Variants in BRINP3 observed in about 807,000 individuals in gnomAD.
BRINP3 encodes the protein BMP/retinoic acid-inducible neural-specific protein 3.
In BRINP3, 19 loss-of-function variants were observed where a neutral mutation model predicts 71.0. The observed-to-expected ratio is 0.27, with a 90% CI of 0.19 to 0.39. The LOEUF (loss-of-function observed/expected upper bound fraction) is 0.39. BRINP3 is among the 10% of genes least tolerant of loss of function. The probability of loss-of-function intolerance (pLI) is 1.00; values close to 1 mark genes in which losing one functional copy is unlikely to be tolerated. For missense variants in BRINP3, 959 were observed against 940.8 expected (o/e 1.02, Z -0.25); for synonymous variants, 380 against 337.7 (o/e 1.13, Z -1.37).
intron 7 of BRINP3, among the ~76,000 whole-genome samples, chr1:190,128,037 G>C (rs1395572459): frequency 6.6e-6 from 1 of 151,776 alleles, no homozygotes; most frequent in Non-Finnish European, 1.5e-5. Context: ...GCTGTAATTA[G>C]TATCATGTCT....
intron 6 of BRINP3, among the ~76,000 whole-genome samples, chr1:190,213,047 C>T (rs1174179471): frequency 1.3e-5 from 2 of 152,000 alleles, no homozygotes; most frequent in South Asian, 2.1e-4. Flanking sequence ...TGTCAAGTAC[C>T]CTTTAGAAGA....
intron 4 of BRINP3, among the ~76,000 whole-genome samples, chr1:190,259,620 AAAT>A (rs1660991211): frequency 6.2e-4 from 2 of 3,208 alleles, no homozygotes; most frequent in Non-Finnish European, 9.0e-4. Context: ...GGCAAAAAAT[AAAT>A]AAATAAATAA....
chr1:190,121,423 A>C (rs564361879), intron 7 of BRINP3, among the ~76,000 whole-genome samples: 2 of 152,344 alleles, frequency 1.3e-5, no homozygotes, highest in South Asian at 4.1e-4. Flanking sequence ...AGGTAACTTA[A>C]AACAAAGACT....
intron 2 of BRINP3, among the ~76,000 whole-genome samples, chr1:190,351,740 G>A (rs1204271714): frequency 6.6e-6 from 1 of 152,056 alleles, no homozygotes; most frequent in Non-Finnish European, 1.5e-5. Context: ...TTTTAAATGG[G>A]TCAGTAATTT....
chr1:190,102,343 A>T (rs2102247212), intron 7 of BRINP3, among the ~76,000 whole-genome samples: 1 of 152,278 alleles, frequency 6.6e-6, no homozygotes, highest in Non-Finnish European at 1.5e-5. Flanking sequence ...TTGGAGACAA[A>T]TGTCCTAACA....
Position 190,265,084 on chromosome 1 carries a change from A to G in BRINP3, c.428-29T>C, listed in dbSNP as rs763947848. On this transcript the variant is annotated intron_variant, in intron 3 of 7. Transcript: ENST00000367462. ...CATTAATAATATTTCAAATTATTCA[A>G]TTTTCCACTTAAAATCTTTTTTTTT... The G allele has an allele frequency of 1.9e-6, 3 of 1,558,954 alleles. No homozygotes were observed. The East Asian group carries it at 7.0e-5, about 36-fold the overall frequency.
chr1:190,377,599 T>G (rs973757734), intron 2 of BRINP3, among the ~76,000 whole-genome samples: 4 of 148,556 alleles, frequency 2.7e-5, no homozygotes, highest in African/African-American at 9.8e-5. Context: ...TATACATATA[T>G]AATATATATA....
At chr1:190,137,684 A>T (rs960527697) in intron 7 of BRINP3, among the ~76,000 whole-genome samples, 4 of 152,142 alleles carry the variant, frequency 2.6e-5, no homozygotes, top group African/African-American at 9.6e-5. Flanking sequence ...TTAGATGGTC[A>T]TTATTTTAAG....
intron 6 of BRINP3, among the ~76,000 whole-genome samples, chr1:190,198,176 C>T (rs1321935717): frequency 7.9e-5 from 12 of 152,002 alleles, no homozygotes; most frequent in African/African-American, 2.9e-4. Flanking sequence ...CAAGACTGCA[C>T]AAAGTGGCAA....
chr1:190,336,952 G>T (rs2103097910), intron 2 of BRINP3, among the ~76,000 whole-genome samples: 1 of 149,852 alleles, frequency 6.7e-6, no homozygotes, highest in Admixed American at 6.7e-5. Flanking sequence ...ATGAATATTT[G>T]GTGAAATAAC....
At chr1:190,118,729 T>C (rs901805580) in intron 7 of BRINP3, among the ~76,000 whole-genome samples, 1 of 152,322 alleles carries the variant, frequency 6.6e-6, no homozygotes, top group Admixed American at 6.5e-5. Context: ...ATAAAGGTAA[T>C]GGTATTTCCT....
chr1:190,201,387 T>A (rs756928052), intron 6 of BRINP3, among the ~76,000 whole-genome samples: 1 of 152,152 alleles, frequency 6.6e-6, no homozygotes, highest in Non-Finnish European at 1.5e-5. Context: ...GGCATTCAAT[T>A]TTATCAGGAA....
chr1:190,200,406 G>T (rs1367354833), intron 6 of BRINP3, among the ~76,000 whole-genome samples: 1 of 152,080 alleles, frequency 6.6e-6, no homozygotes, highest in Non-Finnish European at 1.5e-5. Context: ...AGATCTTAGA[G>T]ACCATATATT....
At chr1:190,331,340 C>A (rs1666951400) in intron 2 of BRINP3, among the ~76,000 whole-genome samples, 1 of 151,858 alleles carries the variant, frequency 6.6e-6, no homozygotes, top group African/African-American at 2.4e-5. Flanking sequence ...GCATAATAAC[C>A]ACTTGAAAGC....
chr1:190,174,224 T>C (rs558254242), intron 6 of BRINP3, among the ~76,000 whole-genome samples: 1 of 152,248 alleles, frequency 6.6e-6, no homozygotes, highest in South Asian at 2.1e-4. Flanking sequence ...CCTTTTATTG[T>C]CAAGGGAACT....
intron 2 of BRINP3, among the ~76,000 whole-genome samples, chr1:190,428,492 C>A (rs1172120215): frequency 1.3e-5 from 2 of 151,880 alleles, no homozygotes; most frequent in African/African-American, 4.8e-5. Context: ...TTATTCTCTA[C>A]CTGTTGACAC....
intron 4 of BRINP3, among the ~76,000 whole-genome samples, chr1:190,240,086 A>T (rs1056821064): frequency 8.9e-4 from 135 of 151,838 alleles, no homozygotes; most frequent in Admixed American, 2.7e-3. Flanking sequence ...ATAGACTAGG[A>T]ACTAACTTGA....
Position 190,206,580 on chromosome 1 carries a change from A to T in BRINP3, c.961+19502T>A, listed in dbSNP as rs544797807. Among the ~76,000 whole-genome samples the T allele has an allele frequency of 1.4e-4, 22 of 152,228 alleles. No individual in the cohort carries two copies. In the South Asian group the frequency reaches 2.9e-3, roughly 20 times the overall value. The stretch of plus-strand genomic sequence containing the variant: ...GAATTGTTCCTCACAACTCGATATT[A>T]ATGAACAGTGTGAGATTCTTGCCAG... On this transcript the variant is annotated intron_variant, in intron 6 of 7. Transcript: ENST00000367462.
intron 2 of BRINP3, among the ~76,000 whole-genome samples, chr1:190,310,808 AC>A (rs1005960841): frequency 1.3e-5 from 2 of 151,766 alleles, no homozygotes; most frequent in Non-Finnish European, 2.9e-5. Context: ...GTCACTTATT[AC>A]ATATTTCTTC....
Sources: gnomAD v4.1 joint callset for allele counts (sites outside exome capture counted in the v4.1 genomes callset) on GRCh38, gnomAD v4.1.1 for gene constraint, MANE v1.5 for transcripts, NCBI Gene and HGNC (gene_info 2026-07-23, HGNC 2026-07-21) for gene names.